The following FRMD4A variants were observed in gnomAD, a reference collection of about 807,000 sequenced individuals.
FRMD4A encodes FERM domain containing 4A.
In FRMD4A, 29 loss-of-function variants were observed where a neutral mutation model predicts 129.1. That is an observed-to-expected ratio of 0.22 (90% CI 0.17 to 0.31). The LOEUF is 0.31. FRMD4A is among the 10% of genes least tolerant of loss of function. The pLI, the probability that FRMD4A is intolerant of heterozygous loss-of-function variation, is 1.00. For missense variants in FRMD4A, 1,272 were observed against 1,375.8 expected, an observed-to-expected ratio of 0.92 and a Z score of 1.19; for synonymous variants, 634 against 571.6, an observed-to-expected ratio of 1.11 and a Z score of -1.56.
intron 2 of FRMD4A, among the ~76,000 whole-genome samples, chr10:14,247,594 C>T (rs1432935746): frequency 2.0e-5 from 3 of 152,126 alleles, no homozygotes; most frequent in Admixed American, 2.0e-4. Flanking sequence ...GCCCAAAGAT[C>T]CATATGTCAA....
intron 2 of FRMD4A, among the ~76,000 whole-genome samples, chr10:13,991,433 C>A (rs898369006): frequency 6.6e-6 from 1 of 152,196 alleles, no homozygotes; most frequent in Non-Finnish European, 1.5e-5. Context: ...AACGGGACCC[C>A]CTCTGTTCTT....
At chr10:13,864,439 A>G (rs1235039540) in intron 2 of FRMD4A, among the ~76,000 whole-genome samples, 2 of 151,576 alleles carry the variant, frequency 1.3e-5, no homozygotes, top group African/African-American at 4.8e-5. Flanking sequence ...ATTTGCATGT[A>G]TTGCTTCCTA....
Position 14,061,174 on chromosome 10 carries a change from G to A in FRMD4A, c.46-202262C>T, listed in dbSNP as rs555196177. Among the ~76,000 whole-genome samples the A allele has an allele frequency of 1.8e-4, 27 of 152,316 alleles. No individual in the cohort carries two copies. In the East Asian group the frequency reaches 2.3e-3, roughly 13 times the overall value. On this transcript the variant is annotated intron_variant, in intron 2 of 24. Coordinates refer to ENST00000357447, the MANE Select transcript of FRMD4A (RefSeq NM_018027.5). ...ATTTAAAAGCACATTTAGGCCGGGC[G>A]TAGTGGCTTATGCCTTTAATTCCAC...
chr10:13,881,113 A>AT (rs1564963806), intron 2 of FRMD4A, among the ~76,000 whole-genome samples: 1 of 152,042 alleles, frequency 6.6e-6, no homozygotes, highest in South Asian at 2.1e-4. Context: ...CCAGGGTAGC[A>AT]TTTTTTATAC....
chr10:14,175,760 A>G (rs182699878), intron 2 of FRMD4A, among the ~76,000 whole-genome samples: 233 of 152,220 alleles, frequency 1.5e-3, no homozygotes, highest in Non-Finnish European at 2.4e-3. Flanking sequence ...CCTGGCCTCA[A>G]GAGATCCTTC....
intron 2 of FRMD4A, among the ~76,000 whole-genome samples, chr10:14,215,536 T>G (rs1283103148): frequency 6.6e-6 from 1 of 152,216 alleles, no homozygotes; most frequent in African/African-American, 2.4e-5. Context: ...TTTTATACTT[T>G]GCAGGCTCTC....
intron 2 of FRMD4A, among the ~76,000 whole-genome samples, chr10:14,208,733 G>A (rs945979550): frequency 3.3e-5 from 5 of 152,114 alleles, no homozygotes; most frequent in African/African-American, 7.2e-5. Flanking sequence ...CTGAGACCTG[G>A]AGCAGGGCTA....
At chr10:13,955,453 C>T (rs896360275) in intron 2 of FRMD4A, among the ~76,000 whole-genome samples, 13 of 152,216 alleles carry the variant, frequency 8.5e-5, no homozygotes, top group African/African-American at 3.1e-4. Context: ...ATCCATCGTA[C>T]TCCTAATCCA....
At chr10:13,810,632 C>T (rs865874540) in intron 4 of FRMD4A, among the ~76,000 whole-genome samples, 182 bp downstream of exon 4, 5 of 152,120 alleles carry the variant, frequency 3.3e-5, no homozygotes, top group Admixed American at 1.3e-4. Context: ...TAATTATATC[C>T]TTTGGCTGTA....
intron 2 of FRMD4A, among the ~76,000 whole-genome samples, chr10:14,185,612 A>C (rs554445480): frequency 7.2e-6 from 1 of 139,478 alleles, no homozygotes; most frequent in African/African-American, 2.6e-5. Flanking sequence ...GAGAGACAGA[A>C]AGGGGATATA....
At chr10:13,919,706 G>A (rs1165270997) in intron 2 of FRMD4A, among the ~76,000 whole-genome samples, 1 of 152,132 alleles carries the variant, frequency 6.6e-6, no homozygotes, top group Non-Finnish European at 1.5e-5. Context: ...AGGAGGCCGA[G>A]GTGGGCGGAT....
At chr10:14,198,749 T>C (rs1232577207) in intron 2 of FRMD4A, among the ~76,000 whole-genome samples, 2 of 152,204 alleles carry the variant, frequency 1.3e-5, no homozygotes, top group South Asian at 2.1e-4. Context: ...CGTTATCTTA[T>C]AGCTTTCCTA....
intron 6 of FRMD4A, among the ~76,000 whole-genome samples, chr10:13,767,448 A>G (rs1305270132): frequency 6.6e-6 from 1 of 152,136 alleles, no homozygotes; most frequent in African/African-American, 2.4e-5. Flanking sequence ...CATGTTGGCC[A>G]GGCTGGTCTC....
intron 2 of FRMD4A, among the ~76,000 whole-genome samples, chr10:13,896,915 G>C (rs2094765191): frequency 6.6e-6 from 1 of 152,120 alleles, no homozygotes; most frequent in South Asian, 2.1e-4. Flanking sequence ...ACTTGCAAAG[G>C]TTTAATCCGT....
intron 2 of FRMD4A, among the ~76,000 whole-genome samples, chr10:13,872,577 G>A (rs181258123): frequency 3.9e-5 from 6 of 152,384 alleles, no homozygotes; most frequent in African/African-American, 7.2e-5. Context: ...ATGCGTTCAC[G>A]CAGACGTTCT....
chr10:14,225,851 T>C (rs937447556), intron 2 of FRMD4A, among the ~76,000 whole-genome samples: 1 of 152,196 alleles, frequency 6.6e-6, no homozygotes. Context: ...GGGTTCTAGA[T>C]ATTGTTGCTC....
chr10:14,091,457 C>A (rs868039358), intron 2 of FRMD4A, among the ~76,000 whole-genome samples: 1 of 152,052 alleles, frequency 6.6e-6, no homozygotes, highest in Non-Finnish European at 1.5e-5. Context: ...TGTTTTGAGA[C>A]GGAGTCCCAC....
chr10:14,248,496 A>T (rs758824303), intron 2 of FRMD4A, among the ~76,000 whole-genome samples: 84 of 152,028 alleles, frequency 5.5e-4, no homozygotes, highest in Non-Finnish European at 1.1e-3. Flanking sequence ...TACAGGACAT[A>T]TCACCTTCAT....
In FRMD4A at chr10:14,236,995, CAAAAAA is replaced by C. The variant is rs71477244; in HGVS notation, c.45+93057_45+93062del. On this transcript the variant is annotated intron_variant, in intron 2 of 24. Coordinates refer to ENST00000357447, the MANE Select transcript of FRMD4A (RefSeq NM_018027.5). ...CTGAGAAGGAACTCCAACAGGTCAGCAAAAAAAAAAAAAAAAAAAAAAAAAAATCGG... is the reference window on the plus strand; with the variant it reads ...CTGAGAAGGAACTCCAACAGGTCAGCAAAAAAAAAAAAAAAAAAAAATCGG... Among the ~76,000 whole-genome samples, 315 of 75,378 alleles carry C rather than the reference CAAAAAA, an allele frequency of 4.2e-3. 2 individuals are homozygous for C. The highest frequency in any genetic ancestry group is 0.019 in the East Asian group (38 of 1,978). 49.5% of individuals were successfully genotyped at this position (75,378 alleles called of 152,430 possible).
Sources: allele counts gnomAD v4.1 joint callset (sites outside exome capture counted in the v4.1 genomes callset), GRCh38; gene constraint gnomAD v4.1.1; transcripts MANE v1.5; gene names NCBI Gene and HGNC (gene_info 2026-07-23, HGNC 2026-07-21).